ABL1: variants seen among roughly 807,000 people sequenced by gnomAD.
ABL1 encodes tyrosine-protein kinase ABL1.
Under a neutral mutation model 94.7 loss-of-function variants are expected in ABL1, and 11 were observed. The observed-to-expected ratio is 0.12, with a 90% confidence interval of 0.07 to 0.19. ABL1 has a LOEUF of 0.19. ABL1 is among the 10% of genes least tolerant of loss of function. ABL1 has a pLI of 1.00. For missense variants in ABL1, 1,082 were observed against 1,489.4 expected (o/e 0.73, Z 4.50); for synonymous variants, 656 against 622.4 (o/e 1.05, Z -0.80).
intron 1 of ABL1, among the ~76,000 whole-genome samples, chr9:130,733,332 A>G (rs1453640721): frequency 6.6e-6 from 1 of 152,192 alleles, no homozygotes; most frequent in African/African-American, 2.4e-5. Context: ...GCATGTTTGT[A>G]CTTTCTATTT....
At chr9:130,802,911 G>A (rs1450099807) in intron 1 of ABL1, among the ~76,000 whole-genome samples, 2 of 152,164 alleles carry the variant, frequency 1.3e-5, no homozygotes, top group Non-Finnish European at 2.9e-5. Flanking sequence ...TCTTTAGTCT[G>A]TAGCTGAGCT....
At chr9:130,786,223 G>A (rs1211050883) in intron 1 of ABL1, among the ~76,000 whole-genome samples, 1 of 152,122 alleles carries the variant, frequency 6.6e-6, no homozygotes, top group African/African-American at 2.4e-5. Flanking sequence ...GGATAATTCT[G>A]GGGGGCCCTG....
exon 1 of ABL1, among the ~76,000 whole-genome samples, chr9:130,713,299 C>T (rs1014381502): frequency 6.6e-6 from 1 of 152,104 alleles, no homozygotes; most frequent in African/African-American, 2.4e-5. Flanking sequence ...GCCGGGCCTC[C>T]TCTACACGGG....
intron 1 of ABL1, among the ~76,000 whole-genome samples, chr9:130,783,403 A>G (rs1202603243): frequency 6.6e-6 from 1 of 152,214 alleles, no homozygotes; most frequent in African/African-American, 2.4e-5. Flanking sequence ...ATCCTTTGCT[A>G]GTTCATAAAG....
At chr9:130,793,257 T>G (rs1387084973) in intron 1 of ABL1, among the ~76,000 whole-genome samples, 1 of 152,166 alleles carries the variant, frequency 6.6e-6, no homozygotes, top group African/African-American at 2.4e-5. Flanking sequence ...GCCAATAAGA[T>G]TCACATGGAA....
chr9:130,746,810 C>CTGTAAT (rs1270900743), intron 1 of ABL1, among the ~76,000 whole-genome samples: 1 of 152,062 alleles, frequency 6.6e-6, no homozygotes, highest in African/African-American at 2.4e-5. Flanking sequence ...CCTCTGTCTG[C>CTGTAAT]TGTAATAAGG....
In ABL1 at chr9:130,742,526, A is replaced by T. The variant is rs116122190; in HGVS notation, c.136+28071A>T. On this transcript the variant is annotated intron_variant, in intron 1 of 10. Coordinates refer to the ABL1 transcript ENST00000372348. ...CACATATTCCCTACCTGTTGCTGCC[A>T]TTGAGGGCTTTCTCTGTGCTAGGCA... 4.1e-3 allele frequency among the ~76,000 whole-genome samples: 630 copies of T among 152,294 alleles called. 5 individuals are homozygous for T. The highest frequency in any genetic ancestry group is 0.014 in the African/African-American group (591 of 41,558).
chr9:130,789,699 A>T lies in ABL1; in HGVS notation c.137-64365A>T, dbSNP rs538496992. Reference sequence around the variant, plus strand: ...ATTGAAAATATGAGGAAAGAGAGAGATACATCAAAAACAACCAGGCAGTTT... The same window carrying T: ...ATTGAAAATATGAGGAAAGAGAGAGTTACATCAAAAACAACCAGGCAGTTT... On this transcript the variant is annotated intron_variant, in intron 1 of 10. Coordinates refer to the ABL1 transcript ENST00000372348. Among the ~76,000 whole-genome samples, 91 of 152,338 alleles carry T rather than the reference A, an allele frequency of 6.0e-4. 2 individuals carry two copies. The highest frequency in any genetic ancestry group is 2.1e-3 in the African/African-American group (89 of 41,566).
rs537770242 is a variant in ABL1, at chr9:130,885,742, G to T, written c.*59G>T. 7.8e-6 allele frequency: 12 copies of T among 1,544,622 alleles called. No homozygotes were observed. The highest frequency in any genetic ancestry group is 7.6e-5 in the Admixed American group (4 of 52,394). On this transcript the variant is annotated 3_prime_UTR_variant, in exon 11 of 11. Coordinates refer to ENST00000318560, the MANE Select transcript of ABL1 (RefSeq NM_005157.6). ...AGCTGCCTGCAGCACATGCGGGCTCGCCCATACCCGTGACAGTGGCTGACA... is the reference window on the plus strand; with the variant it reads ...AGCTGCCTGCAGCACATGCGGGCTCTCCCATACCCGTGACAGTGGCTGACA...
chr9:130,854,764 A>G, intron 2 of ABL1, 37 bp from the exon 3 acceptor site: 1 of 1,571,762 alleles, frequency 6.4e-7, no homozygotes, highest in South Asian at 1.2e-5. Context: ...GCTGGTTTCC[A>G]AAGCTGATAT....
At chr9:130,834,918 C>A, upstream of ABL1, 1 of 455,924 alleles carries the variant, frequency 2.2e-6, no homozygotes, top group Non-Finnish European at 4.4e-6. Flanking sequence ...TACTGGGAAA[C>A]TCGCCAAAAG....
chr9:130,733,192 C>T (rs1012531784), intron 1 of ABL1, among the ~76,000 whole-genome samples: 4 of 152,098 alleles, frequency 2.6e-5, no homozygotes, highest in Non-Finnish European at 4.4e-5. Flanking sequence ...TGATTGGAAC[C>T]TTCACTTGAA....
At chr9:130,869,981 C>T (rs543791352) in intron 4 of ABL1, among the ~76,000 whole-genome samples, 24 of 152,320 alleles carry the variant, frequency 1.6e-4, no homozygotes, top group East Asian at 1.9e-4. Flanking sequence ...TGCGCTACCA[C>T]GCCTGGCTAA....
At chr9:130,716,389 G>A (rs545990160) in intron 1 of ABL1, among the ~76,000 whole-genome samples, 14 of 152,124 alleles carry the variant, frequency 9.2e-5, no homozygotes, top group African/African-American at 3.1e-4. Flanking sequence ...GAGCCACTGC[G>A]CCTGGCTAGT....
chr9:130,714,352 C>T (rs2132661669), exon 1 of ABL1: 1 of 1,612,914 alleles, frequency 6.2e-7, no homozygotes, highest in Non-Finnish European at 8.5e-7. Context: ...TACTTGGGGA[C>T]CAAAGAAGGC....
intron 1 of ABL1, among the ~76,000 whole-genome samples, chr9:130,767,410 A>G (rs562852625): frequency 4.1e-4 from 62 of 152,152 alleles, no homozygotes; most frequent in Non-Finnish European, 3.5e-4. Flanking sequence ...TCTGCTCACT[A>G]TAACCTCCGC....
At chr9:130,857,216 A>C (rs1830988489) in intron 3 of ABL1, among the ~76,000 whole-genome samples, 1 of 152,194 alleles carries the variant, frequency 6.6e-6, no homozygotes, top group Non-Finnish European at 1.5e-5. Context: ...GTGTGCAGAT[A>C]AGTTGCCAGA....
At chr9:130,744,928 A>G (rs1416662641) in intron 1 of ABL1, among the ~76,000 whole-genome samples, 2 of 151,968 alleles carry the variant, frequency 1.3e-5, no homozygotes, top group Non-Finnish European at 2.9e-5. Flanking sequence ...GAGAGAAATT[A>G]CAATAGGATT....
At chr9:130,772,410 AT>A (rs1832263700) in intron 1 of ABL1, among the ~76,000 whole-genome samples, 1 of 152,222 alleles carries the variant, frequency 6.6e-6, no homozygotes, top group African/African-American at 2.4e-5. Context: ...ATTTTCAGGA[AT>A]TGAATAGAGA....
Sources: allele counts gnomAD v4.1 joint callset (sites outside exome capture counted in the v4.1 genomes callset), GRCh38; gene constraint gnomAD v4.1.1; transcripts MANE v1.5; gene names NCBI Gene and HGNC (gene_info 2026-07-23, HGNC 2026-07-21).